Variants in PNCK observed in about 807,000 individuals in gnomAD.
PNCK encodes calcium/calmodulin-dependent protein kinase type 1B.
A neutral mutation model predicts 28.3 loss-of-function variants in PNCK; 21 were observed. The observed-to-expected ratio is 0.74, with a 90% CI of 0.53 to 1.07. The LOEUF is 1.07. Among genes scored for constraint, PNCK ranks in the 50% least tolerant of loss-of-function variants. PNCK has a pLI of 0.00. For missense variants in PNCK, 250 were observed against 298.3 expected (o/e 0.84, Z 1.19); for synonymous variants, 136 against 125.2 (o/e 1.09, Z -0.58).
Position 153,673,789 on chromosome X carries a change from G to A in PNCK, c.-12C>T, listed in dbSNP as rs1388856203. 4.0e-6 allele frequency: 3 copies of A among 748,133 alleles called. No individual in the cohort carries two copies. The highest frequency in any genetic ancestry group is 4.7e-6 in the Non-Finnish European group (3 of 636,328). The allele number at this position is 748,133 out of a possible 1,213,427, so 61.7% of individuals were successfully genotyped here. On this transcript the variant is annotated 5_prime_UTR_variant, in exon 1 of 12. Transcript: ENST00000340888. ...CGGAGCAGGTGCAGACCTGGAGCGG[G>A]TGCCGCAGCGTCGTGCCGCGCAGTG...
upstream of PNCK, among the ~76,000 whole-genome samples, chrX:153,676,727 G>A (rs1603207270): frequency 9.1e-6 from 1 of 110,240 alleles, no homozygotes; most frequent in Non-Finnish European, 1.9e-5. Flanking sequence ...AGCCGGGCAT[G>A]GTGGCTCACG....
chrX:153,671,343 G>A lies in PNCK; in HGVS notation c.556C>T (p.Gln186Ter), dbSNP rs782365846. ...PGYVAPELLEQKPYGKAVDVW... is the reference protein window; with the variant it reads ...PGYVAPELLE ...TCTACGGCCTTCCCGTAGGGTTTCT[G>A]CTCCAAGAGCTCTGGGGCTGGGGGC... Residue 186 changes from glutamine to a stop codon, truncating the protein, a stop_gained, in exon 7 of 12, where the codon CAG becomes TAG. Coordinates refer to ENST00000340888, the MANE Select transcript of PNCK (RefSeq NM_001366977.1). LOFTEE classifies it high-confidence loss of function. The A allele has an allele frequency of 8.3e-7, 1 of 1,211,882 alleles. No individual in the cohort carries two copies. Among genetic ancestry groups the A allele is most frequent in the Non-Finnish European group, 1.1e-6 (1 of 895,503 alleles).
intron 1 of PNCK, among the ~76,000 whole-genome samples, chrX:153,682,687 C>G (rs1220335355): frequency 9.0e-6 from 1 of 111,698 alleles, no homozygotes; most frequent in Non-Finnish European, 1.9e-5. Flanking sequence ...AACTGATGTA[C>G]TTTGTAATCT....
intron 1 of PNCK, chrX:153,686,833 G>A (rs1467017132): frequency 8.9e-6 from 1 of 112,653 alleles, no homozygotes. Context: ...TGGGGACACT[G>A]TCCCTCCCTC....
At chrX:153,671,850 G>A (rs1232876220) in intron 5 of PNCK, 30 bp downstream of exon 5, 1 of 1,200,425 alleles carries the variant, frequency 8.3e-7, no homozygotes, top group African/African-American at 1.8e-5. Flanking sequence ...GCAGGTGGGA[G>A]GGTGGGGTGC....
upstream of PNCK, among the ~76,000 whole-genome samples, chrX:153,677,205 T>G (rs1221030629): frequency 8.9e-6 from 1 of 111,992 alleles, no homozygotes; most frequent in Non-Finnish European, 1.9e-5. Context: ...CCCAAAGTGC[T>G]GGGATTACAG....
At position 153,672,209 on chromosome X, in the gene PNCK, G is replaced by T. The variant is rs782386283; in HGVS notation, c.201-9C>A. On this transcript the variant is annotated splice_polypyrimidine_tract_variant and intron_variant, in intron 3 of 11. Transcript: ENST00000340888. ...TGTTGGGGTGACTGATCCTGCAATG[G>T]CAAGGAAGCGCCTGTGGGCCAACAG... The T allele has an allele frequency of 2.9e-5, 35 of 1,194,799 alleles. No individual in the cohort carries two copies. Among genetic ancestry groups the T allele is most frequent in the Non-Finnish European group, 3.8e-5 (34 of 887,490 alleles).
At chrX:153,675,695 T>C (rs988123885), upstream of PNCK, among the ~76,000 whole-genome samples, 3 of 110,620 alleles carry the variant, frequency 2.7e-5, no homozygotes, top group Non-Finnish European at 3.8e-5. Context: ...CAAGCTAATT[T>C]TTGTATTTTT....
upstream of PNCK, among the ~76,000 whole-genome samples, chrX:153,677,129 C>T (rs2091369936): frequency 9.0e-6 from 1 of 110,939 alleles, no homozygotes; most frequent in Admixed American, 9.6e-5. Context: ...TGGGTAGAGA[C>T]AGTTTCACCA....
intron 2 of PNCK, 55 bp downstream of exon 2, chrX:153,672,954 T>TACACAC (rs10542443): frequency 3.2e-5 from 34 of 1,056,557 alleles, no homozygotes; most frequent in African/African-American, 2.2e-4. Context: ...CTCACACAGG[T>TACACAC]ACACACACAC....
At chrX:153,677,651 T>C (rs1378157599), upstream of PNCK, among the ~76,000 whole-genome samples, 1 of 98,016 alleles carries the variant, frequency 1.0e-5, no homozygotes, top group Non-Finnish European at 2.0e-5. Context: ...ATAGTGTATA[T>C]ATATAGTGTG....
intron 1 of PNCK, 23 bp from the exon 2 acceptor site, chrX:153,673,101 A>C (rs1557040695): frequency 8.5e-7 from 1 of 1,174,614 alleles, no homozygotes; most frequent in Admixed American, 2.3e-5. Context: ...GGGAGAGGTG[A>C]TGGGGGTCTC....
chrX:153,678,007 C>G (rs1271215049), upstream of PNCK, among the ~76,000 whole-genome samples: 2 of 106,127 alleles, frequency 1.9e-5, no homozygotes, highest in African/African-American at 6.8e-5. Context: ...TGTTATGTTA[C>G]TAACATAACA....
chrX:153,672,992 C>A lies in PNCK; in HGVS notation c.68+17G>T, dbSNP rs782016315. 8.6e-7 allele frequency: 1 copy of A among 1,168,659 alleles called. No homozygotes were observed. The highest frequency in any genetic ancestry group is 1.9e-5 in the South Asian group (1 of 53,013). On this transcript the variant is annotated intron_variant, in intron 2 of 11. Transcript: ENST00000340888. ...ACACACACACACACACGATCACACACGCGCGCGCACACTCACGAGCCGAGC... is the reference window on the plus strand; with the variant it reads ...ACACACACACACACACGATCACACAAGCGCGCGCACACTCACGAGCCGAGC...
At chrX:153,678,393 A>C (rs1000513717), upstream of PNCK, among the ~76,000 whole-genome samples, 24 of 111,634 alleles carry the variant, frequency 2.1e-4, no homozygotes, top group African/African-American at 7.8e-4. Flanking sequence ...GGTCAAGGCT[A>C]CAGTGAGCCA....
chrX:153,677,746 T>C (rs183909439), upstream of PNCK, among the ~76,000 whole-genome samples: 14 of 103,695 alleles, frequency 1.4e-4, no homozygotes, highest in Non-Finnish European at 2.4e-4. Context: ...ATAGTGTGTA[T>C]ATATAGTGTG....
chrX:153,685,745 A>C (rs1557043074), intron 1 of PNCK, among the ~76,000 whole-genome samples: 1 of 113,317 alleles, frequency 8.8e-6, no homozygotes, highest in Non-Finnish European at 1.9e-5. Flanking sequence ...GGATGAGATA[A>C]AGGAGGGGCT....
chrX:153,673,869 C>A (rs1161801768), upstream of PNCK: 1 of 809,975 alleles, frequency 1.2e-6, no homozygotes, highest in East Asian at 8.5e-5. Flanking sequence ...CCTCCGCGCA[C>A]GCCCCCGCCA....
In PNCK at chrX:153,670,950, C is replaced by T; in HGVS notation, c.774G>A (p.Arg258=). 8.2e-7 allele frequency: 1 copy of T among 1,212,199 alleles called. No homozygotes were observed. Among genetic ancestry groups the T allele is most frequent in the Non-Finnish European group, 1.1e-6 (1 of 895,579 alleles). ...GCCGCAAGGCCTGTTGGCAGGTGAA[C>T]CTCTTCTGGGGGTCTCGCTCCAGAA... is the stretch of plus-strand genomic sequence containing the variant. ...RHLLERDPQK[R]FTCQQALRHL... The change falls in exon 9 of 12, where the codon AGG becomes AGA. Residue 258 remains arginine (R), a synonymous_variant. Transcript: ENST00000340888.
Sources: allele counts gnomAD v4.1 joint callset (sites outside exome capture counted in the v4.1 genomes callset), GRCh38; gene constraint gnomAD v4.1.1; transcripts MANE v1.5; gene names NCBI Gene and HGNC (gene_info 2026-07-23, HGNC 2026-07-21).